Variants in CCDC175 observed in about 807,000 individuals in gnomAD.
CCDC175 encodes coiled-coil domain containing 175.
A neutral mutation model predicts 114.6 loss-of-function variants in CCDC175; 100 were observed. That is an observed-to-expected ratio of 0.87 (90% CI 0.74 to 1.03). The LOEUF (loss-of-function observed/expected upper bound fraction) is 1.03, where lower values mean the gene tolerates loss of function less well. Ranked by LOEUF, CCDC175 falls within the 50% of genes least tolerant of loss-of-function variation. The pLI is 0.00. For missense variants in CCDC175, 880 were observed against 917.8 expected (o/e 0.96, Z 0.53); for synonymous variants, 306 against 308.7 (o/e 0.99, Z 0.09).
At chr14:59,555,773 G>C (rs915978513) in intron 7 of CCDC175, among the ~76,000 whole-genome samples, 5 of 152,124 alleles carry the variant, frequency 3.3e-5, no homozygotes, top group African/African-American at 9.7e-5. Context: ...AAAGTCTCAG[G>C]ATACAAAATC....
intron 4 of CCDC175, among the ~76,000 whole-genome samples, 165 bp from the exon 5 acceptor site, chr14:59,565,440 C>T (rs968176919): frequency 6.6e-6 from 1 of 152,188 alleles, no homozygotes; most frequent in Non-Finnish European, 1.5e-5. Flanking sequence ...TGCAGTGGCT[C>T]ATGCCTGTAA....
chr14:59,517,931 C>T (rs1157668439), intron 17 of CCDC175, among the ~76,000 whole-genome samples: 2 of 152,132 alleles, frequency 1.3e-5, no homozygotes, highest in African/African-American at 2.4e-5. Flanking sequence ...TACTACAAGG[C>T]TACAGTAACC....
At chr14:59,543,139 G>A (rs1894889402) in intron 10 of CCDC175, among the ~76,000 whole-genome samples, 1 of 152,084 alleles carries the variant, frequency 6.6e-6, no homozygotes, top group Non-Finnish European at 1.5e-5. Flanking sequence ...TGGGGCCCAG[G>A]AGCTCCCATA....
chr14:59,518,009 T>G (rs1893204138), intron 17 of CCDC175, among the ~76,000 whole-genome samples: 1 of 151,954 alleles, frequency 6.6e-6, no homozygotes, highest in Admixed American at 6.6e-5. Context: ...CCCTCAGAAA[T>G]AATGCCGCAT....
At chr14:59,508,045 G>A (rs1271900309) in intron 19 of CCDC175, among the ~76,000 whole-genome samples, 6 of 152,036 alleles carry the variant, frequency 3.9e-5, no homozygotes, top group Non-Finnish European at 7.4e-5. Flanking sequence ...GAAATCTAGT[G>A]CCTATTGTTC....
At chr14:59,571,465 T>C (rs1896845791) in intron 3 of CCDC175, among the ~76,000 whole-genome samples, 1 of 152,164 alleles carries the variant, frequency 6.6e-6, no homozygotes, top group Admixed American at 6.5e-5. Flanking sequence ...TGAGTAGACA[T>C]TTCTCCAAAG....
chr14:59,525,264 T>C lies in CCDC175; in HGVS notation c.1995+18A>G. On this transcript the variant is annotated intron_variant, in intron 16 of 19. Transcript: ENST00000537690. ...TTAATCAAAGCCATCATGAAAAGGA[T>C]GGTGCTCTTAAACTTACTTCTTTTA... The C allele has an allele frequency of 7.0e-7, 1 of 1,419,832 alleles. No individual in the cohort carries two copies. The highest frequency in any genetic ancestry group is 9.2e-7 in the Non-Finnish European group (1 of 1,092,478). The allele number at this position is 1,419,832 out of a possible 1,614,324, so 88.0% of individuals were successfully genotyped here. A position where few individuals can be genotyped will look rare whatever the true frequency, so the allele number is the denominator to read the frequency against.
intron 8 of CCDC175, among the ~76,000 whole-genome samples, chr14:59,549,725 A>AAAAAAG (rs1895345340): frequency 2.0e-5 from 3 of 150,786 alleles, no homozygotes; most frequent in Non-Finnish European, 4.4e-5. Context: ...GTCTCAAAAA[A>AAAAAAG]AAAAAGAAAA....
chr14:59,520,482 C>T (rs1260248146), intron 17 of CCDC175, among the ~76,000 whole-genome samples: 1 of 152,130 alleles, frequency 6.6e-6, no homozygotes, highest in Non-Finnish European at 1.5e-5. Context: ...CTATATAATT[C>T]AGCAATTCCA....
At chr14:59,557,374 C>A (rs1162697228) in intron 7 of CCDC175, among the ~76,000 whole-genome samples, 2 of 150,382 alleles carry the variant, frequency 1.3e-5, no homozygotes, top group Non-Finnish European at 2.9e-5. Context: ...GGACAAAAAA[C>A]CAAACATCCC....
At chr14:59,530,125 C>G (rs1291595756) in intron 14 of CCDC175, among the ~76,000 whole-genome samples, 1 of 151,986 alleles carries the variant, frequency 6.6e-6, no homozygotes, top group African/African-American at 2.4e-5. Context: ...AATCCCAGCA[C>G]TTTGGGAGGC....
At chr14:59,567,965 G>A (rs1031723185) in intron 4 of CCDC175, among the ~76,000 whole-genome samples, 1 of 152,216 alleles carries the variant, frequency 6.6e-6, no homozygotes, top group African/African-American at 2.4e-5. Flanking sequence ...TAGAGGTAGT[G>A]TGTGATTTAC....
chr14:59,555,987 C>T (rs552448395), intron 7 of CCDC175, among the ~76,000 whole-genome samples: 31 of 152,296 alleles, frequency 2.0e-4, no homozygotes, highest in Middle Eastern at 3.4e-3. Flanking sequence ...AATGGAAGAA[C>T]ATTCCATGCT....
intron 17 of CCDC175, among the ~76,000 whole-genome samples, chr14:59,517,358 T>C (rs941018639): frequency 6.6e-6 from 1 of 152,194 alleles, no homozygotes; most frequent in Non-Finnish European, 1.5e-5. Flanking sequence ...GGTATTCAAT[T>C]AGCAAAAGAG....
At chr14:59,519,548 G>C (rs898978626) in intron 17 of CCDC175, among the ~76,000 whole-genome samples, 6 of 152,132 alleles carry the variant, frequency 3.9e-5, no homozygotes, top group African/African-American at 1.4e-4. Context: ...GCTTCAGACA[G>C]AAAAAGGACT....
chr14:59,515,911 T>C (rs1893050551), intron 17 of CCDC175, among the ~76,000 whole-genome samples: 1 of 152,192 alleles, frequency 6.6e-6, no homozygotes, highest in Non-Finnish European at 1.5e-5. Context: ...GACCACATAG[T>C]TGGAACTAAA....
At chr14:59,568,645 C>T (rs1472451177) in intron 3 of CCDC175, among the ~76,000 whole-genome samples, 2 of 152,124 alleles carry the variant, frequency 1.3e-5, no homozygotes, top group Non-Finnish European at 2.9e-5. Flanking sequence ...CCGTTCCATG[C>T]ACTTCTCACC....
chr14:59,513,122 T>G (rs927824580), intron 17 of CCDC175, among the ~76,000 whole-genome samples: 1 of 152,216 alleles, frequency 6.6e-6, no homozygotes, highest in Admixed American at 6.5e-5. Flanking sequence ...TGGATGTGTG[T>G]AAGAGAAAAC....
chr14:59,532,322 T>C (rs1360777355), intron 13 of CCDC175, among the ~76,000 whole-genome samples: 2 of 152,128 alleles, frequency 1.3e-5, no homozygotes, highest in East Asian at 1.9e-4. Context: ...ATAGAAGTAA[T>C]TGGATATAAT....
Sources: gnomAD v4.1 joint callset for allele counts (sites outside exome capture counted in the v4.1 genomes callset) on GRCh38, gnomAD v4.1.1 for gene constraint, MANE v1.5 for transcripts, NCBI Gene and HGNC (gene_info 2026-07-23, HGNC 2026-07-21) for gene names.